The following CEP83 variants were observed in gnomAD, a reference collection of about 807,000 sequenced individuals.
CEP83 encodes centrosomal protein of 83 kDa.
CEP83 carries 70 observed loss-of-function variants against 101.9 expected under a neutral mutation model. The ratio of observed to expected loss-of-function variants is 0.69; its 90% CI spans 0.57 to 0.84. The LOEUF (loss-of-function observed/expected upper bound fraction) is 0.84. Ranked by LOEUF, CEP83 falls within the 40% of genes least tolerant of loss-of-function variation. The probability of loss-of-function intolerance (pLI) is 0.00; values close to 1 mark genes in which losing one functional copy is unlikely to be tolerated. For synonymous variants in CEP83, 264 were observed against 267.9 expected (o/e 0.99, Z 0.14); for missense variants, 715 against 787.2 (o/e 0.91, Z 1.10).
At chr12:94,266,778 A>C in the CEP83 span, among the ~76,000 whole-genome samples, 1 of 152,266 alleles carries the variant, frequency 6.6e-6, no homozygotes, top group African/African-American at 2.4e-5. Context: ...ATTAAGAGTC[A>C]GTATTATAAA....
rs943197183 is a variant in CEP83 at position 94,412,362 on chromosome 12, C to T, written c.129G>A (p.Glu43=). The T allele has an allele frequency of 2.5e-6, 4 of 1,612,376 alleles. No individual in the cohort carries two copies. The highest frequency in any genetic ancestry group is 2.2e-5 in the East Asian group (1 of 44,702). The change falls in exon 3 of 17, where the codon GAG becomes GAA. Residue 43 remains glutamate, a synonymous_variant. Transcript: ENST00000397809. ...KMLIDERLRC[E]HHKANYQTLK... is the part of the protein sequence containing the mutation. ...GTGTCTGATAATTAGCTTTATGATG[C>T]TCACATCGTAACCTTTCATCAATTA...
In CEP83 at chr12:94,438,451, T is replaced by C. The variant is rs143707743; in HGVS notation, c.-154-3124A>G. 4.1e-3 allele frequency among the ~76,000 whole-genome samples: 625 copies of C among 152,174 alleles called. 2 individuals are homozygous for C. Among genetic ancestry groups the C allele is most frequent in the African/African-American group, 0.014 (586 of 41,500 alleles). On this transcript the variant is annotated intron_variant, in intron 1 of 16. Transcript: ENST00000397809. ...CAACATCAGTTTAAAAAGGCAAAGA[T>C]AGACATTATATAATGATAAAAGGAT...
At chr12:94,340,386 G>C (rs911934473) in intron 11 of CEP83, among the ~76,000 whole-genome samples, 1 of 151,986 alleles carries the variant, frequency 6.6e-6, no homozygotes, top group Non-Finnish European at 1.5e-5. Context: ...CACGGTCGCA[G>C]TGGTAGGTCC....
chr12:94,317,963 C>T (rs186132204), intron 14 of CEP83, among the ~76,000 whole-genome samples: 138 of 152,094 alleles, frequency 9.1e-4, no homozygotes, highest in Non-Finnish European at 1.9e-3. Context: ...ATGAAGAATG[C>T]CATTGGTAGT....
At position 94,405,995 on chromosome 12, in the gene CEP83, G is replaced by A. The variant is rs117079830; in HGVS notation, c.325-2733C>T. ...CTGAAAGGATTAGAAGGATGAATAC[G>A]CAGAGCTCACAAAGACCTAAGAATA... On this transcript the variant is annotated intron_variant, in intron 4 of 16. Transcript: ENST00000397809. Among the ~76,000 whole-genome samples the A allele has an allele frequency of 4.6e-3, 706 of 152,266 alleles. 1 individual carries two copies. Among genetic ancestry groups the A allele is most frequent in the Middle Eastern group, 0.01 (3 of 294 alleles).
intron 2 of CEP83, among the ~76,000 whole-genome samples, chr12:94,430,749 A>C (rs968440379): frequency 6.6e-6 from 1 of 152,234 alleles, no homozygotes; most frequent in Non-Finnish European, 1.5e-5. Flanking sequence ...GGATTTAAAC[A>C]TCCAGATACA....
intron 6 of CEP83, among the ~76,000 whole-genome samples, chr12:94,381,503 T>C (rs1375778636): frequency 1.3e-5 from 2 of 152,166 alleles, no homozygotes; most frequent in Non-Finnish European, 1.5e-5. Context: ...GGACTAGGAA[T>C]AGTGACTGAT....
intron 2 of CEP83, among the ~76,000 whole-genome samples, chr12:94,427,684 T>C (rs1181075650): frequency 6.6e-6 from 1 of 152,244 alleles, no homozygotes; most frequent in Non-Finnish European, 1.5e-5. Context: ...TGCCTTTGAA[T>C]ATTTCAAAAC....
chr12:94,431,311 CA>C (rs1215483551), intron 2 of CEP83, among the ~76,000 whole-genome samples: 3 of 152,054 alleles, frequency 2.0e-5, no homozygotes, highest in Non-Finnish European at 4.4e-5. Flanking sequence ...ATCAAAGATA[CA>C]AACGTAAGAC....
intron 6 of CEP83, among the ~76,000 whole-genome samples, chr12:94,395,814 C>T (rs1034051829): frequency 8.5e-5 from 13 of 152,122 alleles, no homozygotes; most frequent in African/African-American, 2.9e-4. Flanking sequence ...GAGTGAGATT[C>T]TGTCTCAAGA....
At chr12:94,420,599 T>C (rs1339946099) in intron 2 of CEP83, among the ~76,000 whole-genome samples, 1 of 152,176 alleles carries the variant, frequency 6.6e-6, no homozygotes, top group Non-Finnish European at 1.5e-5. Flanking sequence ...TGTTTTGTTT[T>C]TTAGTTCATC....
chr12:94,354,786 A>G (rs1303793524), intron 11 of CEP83, among the ~76,000 whole-genome samples: 2 of 151,986 alleles, frequency 1.3e-5, no homozygotes, highest in African/African-American at 4.8e-5. Flanking sequence ...CTGAGGCAGG[A>G]GGATCACAAG....
intron 14 of CEP83, among the ~76,000 whole-genome samples, chr12:94,317,934 A>G (rs1408216553): frequency 6.6e-6 from 1 of 152,114 alleles, no homozygotes; most frequent in Non-Finnish European, 1.5e-5. Flanking sequence ...ATGAATTTTA[A>G]AAGTTTTTTT....
intron 4 of CEP83, among the ~76,000 whole-genome samples, chr12:94,406,384 C>G (rs551960227): frequency 6.6e-6 from 1 of 151,588 alleles, no homozygotes. Context: ...AAAAATCCAG[C>G]ATTTTAAAAA....
chr12:94,307,003 G>A (rs1207479142), downstream of CEP83: 1 of 152,184 alleles, frequency 6.6e-6, no homozygotes. Flanking sequence ...AACAACAGTA[G>A]GAAAGTTGAG....
At chr12:94,304,142 TCCCAAAAG>T (rs2136238664), downstream of CEP83, 1 of 827,752 alleles carries the variant, frequency 1.2e-6, no homozygotes, top group African/African-American at 1.7e-5. Context: ...AGCTCTGGCA[TCCCAAAAG>T]GCCAGAAAGG....
At chr12:94,380,532 C>T (rs1044946237) in intron 6 of CEP83, among the ~76,000 whole-genome samples, 1 of 152,030 alleles carries the variant, frequency 6.6e-6, no homozygotes, top group African/African-American at 2.4e-5. Context: ...CTTTTTTATC[C>T]ACTGTATTCT....
rs1036636879 is a variant in CEP83 at position 94,307,795 on chromosome 12, A to G, written c.*1018T>C. Reference sequence around the variant, plus strand: ...GTATATGCTGTGAATAAGCAGCTATATTATGTAGTAAGTAAACCTAGTTTG... The same window carrying G: ...GTATATGCTGTGAATAAGCAGCTATGTTATGTAGTAAGTAAACCTAGTTTG... On this transcript the variant is annotated 3_prime_UTR_variant, in exon 17 of 17. Transcript: ENST00000397809. 1 of 151,902 alleles carries G rather than the reference A, an allele frequency of 6.6e-6. No individual in the cohort carries two copies. The highest frequency in any genetic ancestry group is 2.4e-5 in the African/African-American group (1 of 41,292). The allele number at this position is 151,902 out of a possible 1,614,324, so 9.4% of individuals were successfully genotyped here.
chr12:94,412,693 C>CTT lies in CEP83; in HGVS notation c.-101-104_-101-103dup, dbSNP rs11330562. ...TCACTTTTATTATTCTTTTTTTTTT[C>CTT]TTTTTTTTTTTTTTTTGAGAGGAGT... On this transcript the variant is annotated intron_variant, in intron 2 of 16. Transcript: ENST00000397809. 614 of 213,612 alleles carry CTT rather than the reference C, an allele frequency of 2.9e-3. 5 individuals carry two copies. Among genetic ancestry groups the CTT allele is most frequent in the East Asian group, 0.01 (72 of 6,974 alleles). 13.2% of individuals were successfully genotyped at this position (213,612 alleles called of 1,614,324 possible).
Sources: allele counts gnomAD v4.1 joint callset (sites outside exome capture counted in the v4.1 genomes callset), GRCh38; gene constraint gnomAD v4.1.1; transcripts MANE v1.5; gene names NCBI Gene and HGNC (gene_info 2026-07-23, HGNC 2026-07-21).